The following GPR160 variants were observed in gnomAD, a reference collection of about 807,000 sequenced individuals.
The protein encoded by GPR160 is probable G protein-coupled receptor 160.
GPR160 carries 2 observed loss-of-function variants against 2.6 expected under a neutral mutation model. The observed-to-expected ratio is 0.77, with a 90% confidence interval of 0.32 to 2.44. The LOEUF (loss-of-function observed/expected upper bound fraction) is 2.44, where lower values mean the gene tolerates loss of function less well. Among genes scored for constraint, GPR160 ranks in the 30% most tolerant of loss-of-function variants. The pLI is 0.11. For synonymous variants in GPR160, 130 were observed against 132.2 expected, an observed-to-expected ratio of 0.98 and a Z score of 0.12; for missense variants, 351 against 383.6, an observed-to-expected ratio of 0.91 and a Z score of 0.71.
chr3:170,063,535 A>C (rs1245550516), intron 2 of GPR160, among the ~76,000 whole-genome samples: 1 of 136,428 alleles, frequency 7.3e-6, no homozygotes, highest in East Asian at 2.3e-4. Flanking sequence ...CCATGTCTCA[A>C]AAACAAACAA....
intron 2 of GPR160, 51 bp from the exon 3 acceptor site, chr3:170,079,723 A>G (rs1713033604): frequency 6.6e-6 from 1 of 152,250 alleles, no homozygotes; most frequent in African/African-American, 2.4e-5. Context: ...GACTCTTGCT[A>G]TTAAGATAGC....
intron 2 of GPR160, among the ~76,000 whole-genome samples, chr3:170,066,706 T>C (rs1299120325): frequency 6.6e-6 from 1 of 152,242 alleles, no homozygotes; most frequent in Admixed American, 6.5e-5. Context: ...AATGCCTCCA[T>C]GAATACTCTT....
At chr3:170,055,340 G>T (rs1181403941) in intron 2 of GPR160, among the ~76,000 whole-genome samples, 2 of 152,118 alleles carry the variant, frequency 1.3e-5, no homozygotes, top group African/African-American at 4.8e-5. Flanking sequence ...TCTCCCTTAG[G>T]TGGTTGTTCT....
At chr3:170,070,017 C>T (rs1430575124) in intron 2 of GPR160, among the ~76,000 whole-genome samples, 1 of 152,082 alleles carries the variant, frequency 6.6e-6, no homozygotes, top group Non-Finnish European at 1.5e-5. Flanking sequence ...TCCAAATTAC[C>T]TCTTTAAAGG....
chr3:170,040,364 A>G (rs1308289547), intron 2 of GPR160, among the ~76,000 whole-genome samples: 4 of 152,166 alleles, frequency 2.6e-5, no homozygotes, highest in Non-Finnish European at 5.9e-5. Context: ...TCTTCCGCAG[A>G]CGCTCGTTCT....
intron 2 of GPR160, among the ~76,000 whole-genome samples, chr3:170,048,663 G>C (rs1004646435): frequency 1.3e-5 from 2 of 152,236 alleles, no homozygotes; most frequent in African/African-American, 4.8e-5. Flanking sequence ...ACATTGGAAA[G>C]TTTTCTTTCT....
intron 2 of GPR160, among the ~76,000 whole-genome samples, chr3:170,054,418 G>A (rs1711533275): frequency 6.6e-6 from 1 of 152,094 alleles, no homozygotes; most frequent in South Asian, 2.1e-4. Context: ...ACCACCTTCT[G>A]GCAGAATAGA....
intron 2 of GPR160, among the ~76,000 whole-genome samples, chr3:170,047,776 A>G (rs2108312102): frequency 6.6e-6 from 1 of 152,216 alleles, no homozygotes; most frequent in East Asian, 1.9e-4. Context: ...CTGCTCAGCT[A>G]TAAAAAGAAC....
chr3:170,076,446 A>T lies in GPR160; in HGVS notation c.-192-3328A>T, dbSNP rs572631858. On this transcript the variant is annotated intron_variant, in intron 2 of 3. Coordinates refer to ENST00000355897, the MANE Select transcript of GPR160 (RefSeq NM_014373.3). ...TATATTTACCTTTTGGAGGGATAAA[A>T]TTTCATTATCCAAATGGATAGTCAA... Among the ~76,000 whole-genome samples the T allele has an allele frequency of 5.8e-4, 88 of 152,288 alleles. 2 individuals carry two copies. Among genetic ancestry groups the T allele is most frequent in the Admixed American group, 4.8e-3 (73 of 15,296 alleles).
chr3:170,056,163 A>T (rs1711634250), intron 2 of GPR160, among the ~76,000 whole-genome samples: 2 of 152,162 alleles, frequency 1.3e-5, no homozygotes, highest in Non-Finnish European at 2.9e-5. Context: ...TGAACCTTAT[A>T]CTTGTATTAC....
chr3:170,047,444 A>G (rs1716771148), intron 2 of GPR160, among the ~76,000 whole-genome samples: 1 of 152,202 alleles, frequency 6.6e-6, no homozygotes, highest in Non-Finnish European at 1.5e-5. Flanking sequence ...ACATTTGGGT[A>G]TATTTCCTTT....
chr3:170,063,250 C>G (rs1473517515), intron 2 of GPR160: 4 of 151,170 alleles, frequency 2.6e-5, no homozygotes, highest in Admixed American at 2.0e-4. Context: ...ACTCAGCACA[C>G]AGGCCAGGCG....
At chr3:170,061,485 TTTAA>T (rs1306480630) in intron 2 of GPR160, among the ~76,000 whole-genome samples, 6 of 152,032 alleles carry the variant, frequency 3.9e-5, no homozygotes, top group African/African-American at 1.4e-4. Context: ...ATGGGACAGT[TTTAA>T]TTAATGGGAC....
At chr3:170,052,365 G>A (rs1716996426) in intron 2 of GPR160, among the ~76,000 whole-genome samples, 1 of 152,176 alleles carries the variant, frequency 6.6e-6, no homozygotes, top group Non-Finnish European at 1.5e-5. Context: ...AGGAGTTCTC[G>A]TTACTCTACA....
In GPR160 at chr3:170,084,980, G is replaced by T. The variant is rs1713353131; in HGVS notation, c.1008G>T (p.Met336Ile). ...AAATTGAAAAGCCTATATCAATAAT[G>T]ATTTGTTAATATTATTAATTAAAAG... ...LEQIEKPISI[M>I]IC Residue 336 changes from methionine (M) to isoleucine (I), a missense_variant, in exon 4 of 4, where the codon ATG becomes ATT. By Grantham distance (10) the Met-to-Ile change is conservative (BLOSUM62 1). Coordinates refer to ENST00000355897, the MANE Select transcript of GPR160 (RefSeq NM_014373.3). 2 of 1,459,216 alleles carry T rather than the reference G, an allele frequency of 1.4e-6. No individual in the cohort carries two copies. The highest frequency in any genetic ancestry group is 2.3e-5 in the Admixed American group (1 of 44,358). 90.4% of individuals were successfully genotyped at this position (1,459,216 alleles called of 1,614,324 possible).
chr3:170,077,110 A>G (rs1234500086), intron 2 of GPR160: 4 of 152,168 alleles, frequency 2.6e-5, no homozygotes. Flanking sequence ...TGATAAGGCT[A>G]TTTCTCCCAC....
intron 2 of GPR160, among the ~76,000 whole-genome samples, chr3:170,047,718 TAC>T (rs1201355334): frequency 6.7e-6 from 1 of 148,174 alleles, no homozygotes; most frequent in Non-Finnish European, 1.5e-5. Flanking sequence ...CATATACACA[TAC>T]ATATATACAC....
intron 2 of GPR160, among the ~76,000 whole-genome samples, chr3:170,060,479 T>C (rs1711880285): frequency 6.6e-6 from 1 of 152,146 alleles, no homozygotes; most frequent in African/African-American, 2.4e-5. Flanking sequence ...AACAGTAAAA[T>C]GGACGAGGCG....
intron 2 of GPR160, among the ~76,000 whole-genome samples, chr3:170,067,117 G>A (rs1312820683): frequency 3.9e-5 from 6 of 152,090 alleles, no homozygotes; most frequent in East Asian, 1.9e-4. Flanking sequence ...CAGTCCTCCC[G>A]CCTCAACCTC....
Sources: gnomAD v4.1 joint callset for allele counts (sites outside exome capture counted in the v4.1 genomes callset) on GRCh38, gnomAD v4.1.1 for gene constraint, MANE v1.5 for transcripts, NCBI Gene and HGNC (gene_info 2026-07-23, HGNC 2026-07-21) for gene names.